The following JAK3 variants were observed in gnomAD, a reference collection of about 807,000 sequenced individuals.
JAK3 encodes the protein tyrosine-protein kinase JAK3.
A neutral mutation model predicts 120.8 loss-of-function variants in JAK3; 88 were observed. The observed-to-expected ratio is 0.73, with a 90% confidence interval of 0.61 to 0.87. The LOEUF (loss-of-function observed/expected upper bound fraction) is 0.87. JAK3 is among the 40% of genes least tolerant of loss of function. The pLI is 0.00. For missense variants in JAK3, 1,254 were observed against 1,501.4 expected, an observed-to-expected ratio of 0.84 and a Z score of 2.72; for synonymous variants, 592 against 628.6, an observed-to-expected ratio of 0.94 and a Z score of 0.87.
Position 17,840,353 on chromosome 19 carries a change from G to A in JAK3, c.1143-12C>T, listed in dbSNP as rs2147692966. 1 of 1,575,244 alleles carries A rather than the reference G, an allele frequency of 6.3e-7. No homozygotes were observed. Among genetic ancestry groups the A allele is most frequent in the Non-Finnish European group, 8.7e-7 (1 of 1,145,536 alleles). ...TGGCAAAGTCCAGACTGTGGGGGAA[G>A]GTGAGAGGGAATGGGGAGGAGTCAG... On this transcript the variant is annotated splice_polypyrimidine_tract_variant and intron_variant, in intron 8 of 23. Transcript: ENST00000458235.
At position 17,832,714 on chromosome 19, in the gene JAK3, G is replaced by T; in HGVS notation, c.2491-6C>A. On this transcript the variant is annotated splice_polypyrimidine_tract_variant and splice_region_variant and intron_variant, in intron 18 of 23. Coordinates refer to ENST00000458235, the MANE Select transcript of JAK3 (RefSeq NM_000215.4). This position sits in a 1 kb window ranked among gnomAD's most constrained non-coding sequence, Gnocchi z 4.7. ...TCCACGCTGCCAAAGTTGCCCTGGG[G>T]GATAGCGGGACTGATGTCCAGGCAC... 3 of 1,614,234 alleles carry T rather than the reference G, an allele frequency of 1.9e-6. No individual in the cohort carries two copies. The highest frequency in any genetic ancestry group is 2.5e-6 in the Non-Finnish European group (3 of 1,180,044).
At position 17,831,869 on chromosome 19, in the gene JAK3, G is replaced by C. The variant is rs1599867734; in HGVS notation, c.2681-71C>G. 3 of 1,590,806 alleles carry C rather than the reference G, an allele frequency of 1.9e-6. No individual in the cohort carries two copies. In the East Asian group the frequency reaches 6.7e-5, roughly 36 times the overall value. On this transcript the variant is annotated intron_variant, in intron 19 of 23. Coordinates refer to ENST00000458235, the MANE Select transcript of JAK3 (RefSeq NM_000215.4). The surrounding 1 kb of genome is among the most constrained non-coding windows in gnomAD (Gnocchi z 5.1). The stretch of plus-strand genomic sequence containing the variant: ...CCCCCCATTCTTCCCCCCTTTCACA[G>C]TGGGACCTTGTGTCCCTCTCGACCT...
chr19:17,829,887 A>C, intron 23 of JAK3: 1 of 621,552 alleles, frequency 1.6e-6, no homozygotes, highest in Non-Finnish European at 2.9e-6. Flanking sequence ...CTCACCCTAT[A>C]AGGCATTACT....
At chr19:17,827,629 G>A (rs995436996) in intron 23 of JAK3, among the ~76,000 whole-genome samples, 2 of 148,264 alleles carry the variant, frequency 1.3e-5, no homozygotes, top group Non-Finnish European at 3.0e-5. Context: ...TTACAGGTGT[G>A]AGCCACCGCG....
chr19:17,835,006 G>C lies in JAK3; in HGVS notation c.2048-3C>G. 1 of 1,614,140 alleles carries C rather than the reference G, an allele frequency of 6.2e-7. No homozygotes were observed. Among genetic ancestry groups the C allele is most frequent in the Non-Finnish European group, 8.5e-7 (1 of 1,180,032 alleles). ...CCAGGGGATCCTGTCGGTGAGCACT[G>C]AGGGAATGAAAGTGGGATCAGGGAT... On this transcript the variant is annotated splice_region_variant and splice_polypyrimidine_tract_variant and intron_variant, in intron 15 of 23. Transcript: ENST00000458235.
At chr19:17,827,340 A>G (rs1045039259) in intron 23 of JAK3, among the ~76,000 whole-genome samples, 2 of 150,584 alleles carry the variant, frequency 1.3e-5, no homozygotes, top group African/African-American at 4.9e-5. Context: ...ATGGCTCCCT[A>G]TGGATCTTAC....
chr19:17,842,269 G>GC lies in JAK3; in HGVS notation c.861+46dup. The GC allele has an allele frequency of 6.4e-4, 808 of 1,257,536 alleles. No individual in the cohort carries two copies. The highest frequency in any genetic ancestry group is 7.9e-4 in the Non-Finnish European group (738 of 933,772). The allele number at this position is 1,257,536 out of a possible 1,614,324, so 77.9% of individuals were successfully genotyped here. A position where few individuals can be genotyped will look rare whatever the true frequency, so the allele number is the denominator to read the frequency against. On this transcript the variant is annotated intron_variant, in intron 6 of 23. Coordinates refer to ENST00000458235, the MANE Select transcript of JAK3 (RefSeq NM_000215.4). This position sits in a 1 kb window ranked among gnomAD's most constrained non-coding sequence, Gnocchi z 6.4. ...CTACCACTCTCCGGCCCCTCCCCGA[G>GC]CCCCGCCCCCACGTTGGCCCCGCCC...
chr19:17,846,886 T>TTTTA (rs370639012), intron 1 of JAK3, among the ~76,000 whole-genome samples: 3,725 of 145,682 alleles, frequency 0.026, 168 homozygotes, highest in African/African-American at 0.094. Context: ...TGCCCAGCCT[T>TTTTA]TTTATTTATT....
At position 17,847,681 on chromosome 19, in the gene JAK3, C is replaced by A. The variant is rs573975615; in HGVS notation, c.-14+265G>T. On this transcript the variant is annotated intron_variant, in intron 1 of 23. Transcript: ENST00000458235. ...CAATCCCTCCTCCCCACCCCCAACC[C>A]CGCAGCCCCCGTCGCGCATGCGCAA... is the stretch of plus-strand genomic sequence containing the variant. 1.1e-4 allele frequency among the ~76,000 whole-genome samples: 16 copies of A among 152,276 alleles called. 1 individual carries two copies. In the South Asian group the frequency reaches 3.3e-3, roughly 32 times the overall value.
At chr19:17,839,040 A>T in intron 10 of JAK3, 2 of 334,666 alleles carry the variant, frequency 6.0e-6, no homozygotes, top group South Asian at 4.6e-5. Context: ...TTGAAAGGAG[A>T]TCCAGAAAGC....
rs1397123285 is a variant in JAK3 at position 17,831,658 on chromosome 19, G to A, written c.2805+16C>T. The A allele has an allele frequency of 2.5e-6, 4 of 1,602,266 alleles. No individual in the cohort carries two copies. The East Asian group carries it at 9.0e-5, about 36-fold the overall frequency. On this transcript the variant is annotated intron_variant, in intron 20 of 23. Transcript: ENST00000458235. This position sits in a 1 kb window ranked among gnomAD's most constrained non-coding sequence, Gnocchi z 5.1. ...GCCAGCTGAATCCCCACAAGTCCCG[G>A]GGCGCCCCCTCGCACCTTGCAGATC...
chr19:17,842,734 C>T lies in JAK3; in HGVS notation c.567-124G>A. ...GGCCCTAGTTGGGGCACCAGGCACA[C>T]ACAGACTCTCATTCAGGGTCAGGTA... is the stretch of plus-strand genomic sequence containing the variant. On this transcript the variant is annotated intron_variant, in intron 5 of 23. Transcript: ENST00000458235. This position sits in a 1 kb window ranked among gnomAD's most constrained non-coding sequence, Gnocchi z 6.4. 2 of 1,041,952 alleles carry T rather than the reference C, an allele frequency of 1.9e-6. No homozygotes were observed. The highest frequency in any genetic ancestry group is 2.7e-6 in the Non-Finnish European group (2 of 732,614). The allele number at this position is 1,041,952 out of a possible 1,614,324, so 64.5% of individuals were successfully genotyped here. A position where few individuals can be genotyped will look rare whatever the true frequency, so the allele number is the denominator to read the frequency against.
intron 1 of JAK3, among the ~76,000 whole-genome samples, chr19:17,846,617 C>T (rs1247087936): frequency 2.0e-5 from 3 of 152,238 alleles, no homozygotes; most frequent in Non-Finnish European, 4.4e-5. Flanking sequence ...CGGAGTCTCG[C>T]ACTGTCACCC....
At chr19:17,846,410 T>G (rs575350988) in intron 1 of JAK3, among the ~76,000 whole-genome samples, 20 of 152,276 alleles carry the variant, frequency 1.3e-4, no homozygotes, top group South Asian at 4.1e-4. Context: ...AGGGACACTT[T>G]GATGTCACCG....
At chr19:17,839,902 A>G (rs775957572) in intron 9 of JAK3, among the ~76,000 whole-genome samples, 1 of 151,686 alleles carries the variant, frequency 6.6e-6, no homozygotes, top group Admixed American at 6.6e-5. Flanking sequence ...TACCACGCCC[A>G]GCTAAGTTTT....
chr19:17,844,278 T>C lies in JAK3; in HGVS notation c.140A>G (p.Asp47Gly), dbSNP rs755294746. Reference sequence around the variant, plus strand: ...CACGCACAGGTCCTCAGCCAAGTGGTCCCCAAAGGAGAAAGATAGGCGCTG... The same window carrying C: ...CACGCACAGGTCCTCAGCCAAGTGGCCCCCAAAGGAGAAAGATAGGCGCTG... ...PPQRLSFSFG[D>G]HLAEDLCVQA... is the part of the protein sequence containing the mutation. The change falls in exon 2 of 24, where the codon GAC becomes GGC. Residue 47 changes from aspartate to glycine, a missense_variant. This residue lies in a region of JAK3 where 138 missense variants were observed against 178.7 expected (regional missense o/e 0.77). Transcript: ENST00000458235. The C allele has an allele frequency of 5.0e-6, 8 of 1,605,370 alleles. No homozygotes were observed. Among genetic ancestry groups the C allele is most frequent in the Non-Finnish European group, 8.5e-7 (1 of 1,177,048 alleles).
chr19:17,844,960 G>A (rs1406863420), intron 1 of JAK3, among the ~76,000 whole-genome samples: 1 of 152,092 alleles, frequency 6.6e-6, no homozygotes, highest in Admixed American at 6.6e-5. Flanking sequence ...AGCTGGGTGG[G>A]GCCAGGGGTG....
In JAK3 at chr19:17,843,406, G is replaced by T. The variant is rs3212723; in HGVS notation, c.394C>A (p.Pro132Thr). The part of the protein sequence containing the change: ...KDLASAILDL[P>T]VLEHLFAQHR... The stretch of plus-strand genomic sequence containing the variant: ...TGGGCAAAGAGGTGCTCCAGGACTG[G>T]CAGGTCAAGGATAGCACTGGCCAAA... The change falls in exon 4 of 24, where the codon CCA (proline) becomes ACA (threonine). Residue 132 changes from proline to threonine, a missense_variant. Pro to Thr is a conservative substitution (Grantham distance 38). Around this residue, in one of 3 missense-constraint regions of JAK3, gnomAD observed 138 missense variants for 178.7 expected, o/e 0.77. Transcript: ENST00000458235. This position sits in a 1 kb window ranked among gnomAD's most constrained non-coding sequence, Gnocchi z 5.4. The T allele has an allele frequency of 4.6e-3, 7,273 of 1,595,588 alleles. 321 individuals carry two copies. In the African/African-American group the frequency reaches 0.087, roughly 19 times the overall value.
chr19:17,844,115 T>G lies in JAK3; in HGVS notation c.184+119A>C, dbSNP rs1031910407. 3.2e-6 allele frequency: 4 copies of G among 1,254,554 alleles called. No homozygotes were observed. The African/African-American group carries it at 4.5e-5, about 14-fold the overall frequency. 77.7% of individuals were successfully genotyped at this position (1,254,554 alleles called of 1,614,324 possible). A position where few individuals can be genotyped will look rare whatever the true frequency, so the allele number is the denominator to read the frequency against. On this transcript the variant is annotated intron_variant, in intron 2 of 23. Coordinates refer to ENST00000458235, the MANE Select transcript of JAK3 (RefSeq NM_000215.4). Reference sequence around the variant, plus strand: ...CCCTTCTCCATTACAAAACTCCTACTCATCCCCCAAAGCCCCAGCTCCGAT... The same window carrying G: ...CCCTTCTCCATTACAAAACTCCTACGCATCCCCCAAAGCCCCAGCTCCGAT...
Sources: allele counts gnomAD v4.1 joint callset (sites outside exome capture counted in the v4.1 genomes callset), GRCh38; gene constraint gnomAD v4.1.1; regional missense constraint gnomAD v4.1.1; non-coding constraint Gnocchi (gnomAD v3.1); transcripts MANE v1.5; gene names NCBI Gene and HGNC (gene_info 2026-07-23, HGNC 2026-07-21).